Variants in TRPV6 observed in about 807,000 individuals in gnomAD.
TRPV6 encodes Alu-binding protein with zinc finger domain.
TRPV6 carries 39 observed loss-of-function variants against 79.0 expected under a neutral mutation model. The ratio of observed to expected loss-of-function variants is 0.49; its 90% CI spans 0.38 to 0.64. The LOEUF is 0.64. Ranked by LOEUF, TRPV6 falls within the 30% of genes least tolerant of loss-of-function variation. The probability of loss-of-function intolerance (pLI) is 0.00; values close to 1 mark genes in which losing one functional copy is unlikely to be tolerated. For synonymous variants in TRPV6, 373 were observed against 391.9 expected (o/e 0.95, Z 0.57); for missense variants, 813 against 1,011.1 (o/e 0.80, Z 2.66).
Position 142,872,358 on chromosome 7 carries a change from C to T in TRPV6, c.2015+14G>A, listed in dbSNP as rs181987259. On this transcript the variant is annotated intron_variant, in intron 14 of 14. Coordinates refer to ENST00000359396, the MANE Select transcript of TRPV6 (RefSeq NM_018646.6). ...AGGCTTCTCAGGGGACACCTACCCC[C>T]GCATATCACTCACCGCAGGAACCAG... The T allele has an allele frequency of 3.3e-5, 54 of 1,613,158 alleles. No homozygotes were observed. Among genetic ancestry groups the T allele is most frequent in the Non-Finnish European group, 4.0e-5 (47 of 1,179,374 alleles).
At position 142,876,448 on chromosome 7, in the gene TRPV6, A is replaced by T; in HGVS notation, c.842T>A (p.Leu281His). 1 of 1,614,178 alleles carries T rather than the reference A, an allele frequency of 6.2e-7. No individual in the cohort carries two copies. Among genetic ancestry groups the T allele is most frequent in the Non-Finnish European group, 8.5e-7 (1 of 1,180,024 alleles). Residue 281 changes from leucine (L) to histidine (H), a missense_variant, in exon 6 of 15, where the codon CTC (leucine) becomes CAC (histidine). This residue lies in a region of TRPV6 where 555 missense variants were observed against 631.0 expected (regional missense o/e 0.88). Coordinates refer to ENST00000359396, the MANE Select transcript of TRPV6 (RefSeq NM_018646.6). ...CACTCCAGCCAGCTTGAAAGGGGTG[A>T]GACCCTGGTGATTGGGCACGAGGTC...
In TRPV6 at chr7:142,871,929, G is replaced by A. The variant is rs747818111; in HGVS notation, c.2076C>T (p.His692=). The A allele has an allele frequency of 3.7e-6, 6 of 1,613,878 alleles. No individual in the cohort carries two copies. Among genetic ancestry groups the A allele is most frequent in the South Asian group, 2.2e-5 (2 of 91,060 alleles). The stretch of plus-strand genomic sequence containing the variant: ...TGTCCAAATCCTCAGAGCCCCGGGT[G>A]TGGAAGGCCTGTGCGTAGCGTTGGA... Residue 692 remains histidine, a synonymous_variant, in exon 15 of 15, where the codon CAC becomes CAT. Transcript: ENST00000359396.
chr7:142,871,663 G>A lies in TRPV6; in HGVS notation c.*44C>T. ...GTTTTTGTTTTGTTTGATGCACCCAGGAAAATGAGAGCAAGTTCCAGGAAG... is the reference window on the plus strand; with the variant it reads ...GTTTTTGTTTTGTTTGATGCACCCAAGAAAATGAGAGCAAGTTCCAGGAAG... On this transcript the variant is annotated 3_prime_UTR_variant, in exon 15 of 15. Coordinates refer to ENST00000359396, the MANE Select transcript of TRPV6 (RefSeq NM_018646.6). 1 of 1,544,920 alleles carries A rather than the reference G, an allele frequency of 6.5e-7. No homozygotes were observed. The highest frequency in any genetic ancestry group is 8.7e-7 in the Non-Finnish European group (1 of 1,143,568).
chr7:142,881,512 A>C (rs1230959936), intron 1 of TRPV6: 1 of 152,224 alleles, frequency 6.6e-6, no homozygotes, highest in Admixed American at 6.5e-5. Context: ...AACAAAAAAA[A>C]GTCAGATGAA....
At chr7:142,877,318 A>C in intron 3 of TRPV6, 39 bp from the exon 4 acceptor site, 1 of 1,605,820 alleles carries the variant, frequency 6.2e-7, no homozygotes, top group Non-Finnish European at 8.5e-7. Flanking sequence ...GTCTGTCCCC[A>C]GGATCCTGCA....
Position 142,871,640 on chromosome 7 carries a change from T to G in TRPV6, c.*67A>C. 1 of 1,526,814 alleles carries G rather than the reference T, an allele frequency of 6.5e-7. No individual in the cohort carries two copies. The highest frequency in any genetic ancestry group is 8.8e-7 in the Non-Finnish European group (1 of 1,135,244). 94.6% of individuals were successfully genotyped at this position (1,526,814 alleles called of 1,614,324 possible). ...GAGATGAGACCTCTGGGTGTTTGGT[T>G]TTTGTTTTGTTTGATGCACCCAGGA... On this transcript the variant is annotated 3_prime_UTR_variant, in exon 15 of 15. Transcript: ENST00000359396.
chr7:142,872,302 G>A, intron 14 of TRPV6, 70 bp downstream of exon 14: 1 of 1,520,054 alleles, frequency 6.6e-7, no homozygotes, highest in Non-Finnish European at 9.1e-7. Context: ...GGAGCCGGAA[G>A]CTGTCTGAGC....
At chr7:142,885,359 G>A (rs1586197827) in intron 1 of TRPV6, 30 bp downstream of exon 1, 2 of 1,592,036 alleles carry the variant, frequency 1.3e-6, no homozygotes, top group Non-Finnish European at 1.7e-6. Context: ...CTGGGGAGGT[G>A]GGGAAGGGAG....
At chr7:142,872,123 A>T in intron 14 of TRPV6, 134 bp from the exon 15 acceptor site, 3 of 1,291,668 alleles carry the variant, frequency 2.3e-6, no homozygotes, top group Non-Finnish European at 3.1e-6. Context: ...GCCATGGTGG[A>T]TGCCTGGGTC....
intron 1 of TRPV6, chr7:142,883,981 G>T (rs4987611): frequency 0.2 from 30,508 of 152,446 alleles, 6,364 homozygotes; most frequent in African/African-American, 0.53. Context: ...GCCACTCAGC[G>T]CAGGGCCTCC....
rs1794981926 is a variant in TRPV6 at position 142,873,234 on chromosome 7, G to A, written c.1908+214C>T. Among the ~76,000 whole-genome samples, 1 of 145,580 alleles carries A rather than the reference G, an allele frequency of 6.9e-6. No homozygotes were observed. Among genetic ancestry groups the A allele is most frequent in the Non-Finnish European group, 1.5e-5 (1 of 67,896 alleles). Reference sequence around the variant, plus strand: ...TCTAGAAAACACTGAGCTTTTAACTGTTGAGAAAACTGTGAGGCATTCTTC... The same window carrying A: ...TCTAGAAAACACTGAGCTTTTAACTATTGAGAAAACTGTGAGGCATTCTTC... On this transcript the variant is annotated intron_variant, in intron 13 of 14. Coordinates refer to ENST00000359396, the MANE Select transcript of TRPV6 (RefSeq NM_018646.6). This position sits in a 1 kb window ranked among gnomAD's most constrained non-coding sequence, Gnocchi z 4.8.
At position 142,875,655 on chromosome 7, in the gene TRPV6, G is replaced by A. The variant is rs1168922616; in HGVS notation, c.1055C>T (p.Pro352Leu). Residue 352 changes from proline to leucine, a missense_variant, in exon 8 of 15, where the codon CCG becomes CTG. Physicochemically the swap from Pro to Leu is moderately conservative, Grantham distance 98. Coordinates refer to ENST00000359396, the MANE Select transcript of TRPV6 (RefSeq NM_018646.6). ...CTTGAGGCTCACCAGCTCCTTCACC[G>A]GCGTCTGGTCCAGGATCTGGCGAGC... 6.8e-6 allele frequency: 11 copies of A among 1,613,504 alleles called. No homozygotes were observed. Among genetic ancestry groups the A allele is most frequent in the South Asian group, 2.2e-5 (2 of 90,988 alleles).
Position 142,875,738 on chromosome 7 carries a change from C to T in TRPV6, c.1029+20G>A. 6.3e-7 allele frequency: 1 copy of T among 1,599,732 alleles called. No homozygotes were observed. Among genetic ancestry groups the T allele is most frequent in the Non-Finnish European group, 8.5e-7 (1 of 1,172,126 alleles). On this transcript the variant is annotated intron_variant, in intron 7 of 14. Transcript: ENST00000359396. ...CCCTGACACCCCTCCCCAGCCACAG[C>T]CTGCTGTCATGAGCCATACCTCCCG...
intron 1 of TRPV6, 188 bp downstream of exon 1, chr7:142,885,201 C>T (rs1795279778): frequency 5.2e-6 from 3 of 576,440 alleles, no homozygotes; most frequent in Non-Finnish European, 8.7e-6. Flanking sequence ...ATCTCAACCC[C>T]ATCCTCTTTC....
chr7:142,874,464 T>C, intron 11 of TRPV6, 27 bp downstream of exon 11: 2 of 1,613,310 alleles, frequency 1.2e-6, no homozygotes, highest in Non-Finnish European at 1.7e-6. Context: ...GGGGCCTTTC[T>C]CTAGGGAGCT....
At chr7:142,872,262 G>A in intron 14 of TRPV6, 110 bp downstream of exon 14, 1 of 1,174,396 alleles carries the variant, frequency 8.5e-7, no homozygotes, top group Non-Finnish European at 1.2e-6. Context: ...ATAGAGCCTA[G>A]GGAGCACACA....
chr7:142,872,403 C>T lies in TRPV6; in HGVS notation c.1984G>A (p.Glu662Lys), dbSNP rs1379631655. The change falls in exon 14 of 15, where the codon GAG (glutamate) becomes AAG (lysine). Residue 662 changes from glutamate (E) to lysine (K), a missense_variant. This residue lies in a region of TRPV6 where 164 missense variants were observed against 186.1 expected (regional missense o/e 0.88). Coordinates refer to ENST00000359396, the MANE Select transcript of TRPV6 (RefSeq NM_018646.6). ...AACCAGCGGTCTCCCAGGCCATACT[C>T]CCGTCCGCAGATCCCGGAGCGAGGC... 6.2e-7 allele frequency: 1 copy of T among 1,614,114 alleles called. No homozygotes were observed. Among genetic ancestry groups the T allele is most frequent in the South Asian group, 1.1e-5 (1 of 91,086 alleles).
rs763966189 is a variant in TRPV6 at position 142,872,449 on chromosome 7, C to T, written c.1938G>A (p.Arg646=). The change falls in exon 14 of 15, where the codon CGG becomes CGA. Residue 646 remains arginine, a synonymous_variant. Coordinates refer to ENST00000359396, the MANE Select transcript of TRPV6 (RefSeq NM_018646.6). Reference sequence around the variant, plus strand: ...GAGGCCACAGGCAGCGAGGCAGCTTCCGCTCCAGCATCACTGTGGTGGCCA... The same window carrying T: ...GAGGCCACAGGCAGCGAGGCAGCTTTCGCTCCAGCATCACTGTGGTGGCCA... 4 of 1,614,120 alleles carry T rather than the reference C, an allele frequency of 2.5e-6. No individual in the cohort carries two copies. The highest frequency in any genetic ancestry group is 3.4e-6 in the Non-Finnish European group (4 of 1,179,984).
intron 5 of TRPV6, 66 bp downstream of exon 5, chr7:142,876,673 C>T: frequency 6.2e-7 from 1 of 1,612,908 alleles, no homozygotes; most frequent in Non-Finnish European, 8.5e-7. Flanking sequence ...AGGTCCCAGC[C>T]CCTCTCCTCA....
Sources: gnomAD v4.1 joint callset for allele counts (sites outside exome capture counted in the v4.1 genomes callset) on GRCh38, gnomAD v4.1.1 for gene constraint, gnomAD v4.1.1 regional missense constraint, Gnocchi (gnomAD v3.1) non-coding constraint, MANE v1.5 for transcripts, NCBI Gene and HGNC (gene_info 2026-07-23, HGNC 2026-07-21) for gene names.